The following XXYLT1 variants were observed in gnomAD, a reference collection of about 807,000 sequenced individuals.
The protein encoded by XXYLT1 is xyloside xylosyltransferase 1, also known as UDP-xylose:alpha-xyloside alpha-1,3-xylosyltransferase.
In XXYLT1, 20 loss-of-function variants were observed where a neutral mutation model predicts 28.9. That is an observed-to-expected ratio of 0.69 (90% confidence interval 0.49 to 1.00). The LOEUF is 1.00. Ranked by LOEUF, XXYLT1 falls within the 50% of genes least tolerant of loss-of-function variation. The pLI is 0.00. For synonymous variants in XXYLT1, 257 were observed against 253.8 expected (o/e 1.01, Z -0.12); for missense variants, 542 against 560.1 (o/e 0.97, Z 0.33).
intron 2 of XXYLT1, among the ~76,000 whole-genome samples, chr3:195,175,381 G>A (rs1721611715): frequency 1.3e-5 from 2 of 152,360 alleles, no homozygotes; most frequent in South Asian, 4.1e-4. Flanking sequence ...ATGGAACTGG[G>A]GGAATGCGGA....
intron 1 of XXYLT1, among the ~76,000 whole-genome samples, chr3:195,250,518 C>T (rs1356772153): frequency 6.6e-6 from 1 of 150,958 alleles, no homozygotes; most frequent in Non-Finnish European, 1.5e-5. Context: ...CAGCAGAGAT[C>T]GCGCCACTGC....
chr3:195,226,759 C>G lies in XXYLT1; in HGVS notation c.602G>C (p.Ser201Thr). Residue 201 changes from serine (S) to threonine (T), a missense_variant, in exon 2 of 4, where the codon AGT (serine) becomes ACT (threonine). Physicochemically the swap from Ser to Thr is moderately conservative, Grantham distance 58 (BLOSUM62 1). Coordinates refer to ENST00000310380, the MANE Select transcript of XXYLT1 (RefSeq NM_152531.5). ...GACCGAGAGGAAGAAGATGGAGTCA[C>G]TGTAGTAGGTTCCCAAGCCAGCACT... ...HFSAGLGTYY[S>T]DSIFFLSVAM... The G allele has an allele frequency of 6.2e-7, 1 of 1,613,900 alleles. No individual in the cohort carries two copies. Among genetic ancestry groups the G allele is most frequent in the Non-Finnish European group, 8.5e-7 (1 of 1,179,998 alleles).
At chr3:195,122,986 G>A (rs1312353228) in intron 3 of XXYLT1, among the ~76,000 whole-genome samples, 1 of 152,170 alleles carries the variant, frequency 6.6e-6, no homozygotes, top group African/African-American at 2.4e-5. Context: ...TGGTGACCTT[G>A]ACAAAGTCAC....
intron 3 of XXYLT1, among the ~76,000 whole-genome samples, chr3:195,118,810 A>G (rs2108609833): frequency 6.6e-6 from 1 of 152,320 alleles, no homozygotes; most frequent in East Asian, 1.9e-4. Context: ...CGAGTACACA[A>G]TGTTTCAGAA....
rs1725959176 is a variant in XXYLT1, at chr3:195,269,836, G to A, written c.504+719C>T. Among the ~76,000 whole-genome samples the A allele has an allele frequency of 3.9e-5, 6 of 152,212 alleles. No homozygotes were observed. In the South Asian group the frequency reaches 8.3e-4, roughly 21 times the overall value. ...GTCAGAAACACATCTCAGACAAGGA[G>A]AGCCAGGCAGTGAAGACAGATGATA... On this transcript the variant is annotated intron_variant, in intron 1 of 3. Coordinates refer to ENST00000310380, the MANE Select transcript of XXYLT1 (RefSeq NM_152531.5).
At chr3:195,269,829 A>T (rs1381413439) in intron 1 of XXYLT1, among the ~76,000 whole-genome samples, 1 of 152,198 alleles carries the variant, frequency 6.6e-6, no homozygotes, top group Non-Finnish European at 1.5e-5. Flanking sequence ...CACATCTCAG[A>T]CAAGGAGAGC....
chr3:195,167,171 A>C (rs556637484), intron 2 of XXYLT1, among the ~76,000 whole-genome samples: 1 of 152,048 alleles, frequency 6.6e-6, no homozygotes, highest in Non-Finnish European at 1.5e-5. Context: ...TCAAGCTACT[A>C]TTTTTCTCTT....
chr3:195,140,167 C>G (rs1261438723), intron 3 of XXYLT1, among the ~76,000 whole-genome samples: 1 of 152,202 alleles, frequency 6.6e-6, no homozygotes, highest in African/African-American at 2.4e-5. Flanking sequence ...GACAATAAAG[C>G]ATTTACACTT....
intron 3 of XXYLT1, among the ~76,000 whole-genome samples, chr3:195,130,697 C>T (rs1170616490): frequency 6.6e-6 from 1 of 152,104 alleles, no homozygotes; most frequent in Non-Finnish European, 1.5e-5. Context: ...AGGAGGGGAA[C>T]GGAGGCAACA....
At chr3:195,159,589 CAAGT>C (rs2108687982) in intron 2 of XXYLT1, among the ~76,000 whole-genome samples, 1 of 152,310 alleles carries the variant, frequency 6.6e-6, no homozygotes, top group South Asian at 2.1e-4. Context: ...AGCATGAAGA[CAAGT>C]GAGTACAAGC....
chr3:195,071,285 G>A (rs534567158), intron 3 of XXYLT1, among the ~76,000 whole-genome samples: 3 of 152,280 alleles, frequency 2.0e-5, no homozygotes, highest in East Asian at 3.9e-4. Flanking sequence ...CTGCCCCACC[G>A]GCCCCCGCAG....
chr3:195,130,074 T>C (rs1350475508), intron 3 of XXYLT1, among the ~76,000 whole-genome samples: 1 of 152,270 alleles, frequency 6.6e-6, no homozygotes, highest in Non-Finnish European at 1.5e-5. Flanking sequence ...ACTAACGATG[T>C]TGAGCATCTT....
chr3:195,083,893 G>T (rs1715577971), intron 3 of XXYLT1, among the ~76,000 whole-genome samples: 1 of 152,132 alleles, frequency 6.6e-6, no homozygotes, highest in Non-Finnish European at 1.5e-5. Context: ...AGGCGCGGTG[G>T]CAGGCACCCG....
chr3:195,071,052 T>C (rs939279279), intron 3 of XXYLT1, among the ~76,000 whole-genome samples: 1 of 152,160 alleles, frequency 6.6e-6, no homozygotes, highest in Admixed American at 6.5e-5. Flanking sequence ...TCCTCCAGCC[T>C]CTTTAATAGC....
chr3:195,201,250 T>C (rs1352460238), intron 2 of XXYLT1, among the ~76,000 whole-genome samples: 2 of 152,164 alleles, frequency 1.3e-5, no homozygotes, highest in African/African-American at 2.4e-5. Context: ...TTTAAATCAG[T>C]AGCTAGACAA....
chr3:195,258,288 T>C (rs1164486385), intron 1 of XXYLT1, among the ~76,000 whole-genome samples: 3 of 152,174 alleles, frequency 2.0e-5, no homozygotes, highest in Non-Finnish European at 4.4e-5. Context: ...TGGGAGTATG[T>C]GGGGCTATGT....
chr3:195,166,163 C>G (rs980303601), intron 2 of XXYLT1, among the ~76,000 whole-genome samples: 1 of 151,962 alleles, frequency 6.6e-6, no homozygotes, highest in Non-Finnish European at 1.5e-5. Flanking sequence ...CAAGAAACCC[C>G]CTTAGTCACT....
chr3:195,247,649 G>A, intron 1 of XXYLT1: 2 of 564,092 alleles, frequency 3.5e-6, no homozygotes, highest in Non-Finnish European at 6.4e-6. Flanking sequence ...AGACAGCCCT[G>A]CCAGGCTCGA....
At chr3:195,231,071 GTT>G (rs1459087728) in intron 1 of XXYLT1, among the ~76,000 whole-genome samples, 2 of 151,752 alleles carry the variant, frequency 1.3e-5, no homozygotes, top group East Asian at 3.9e-4. Context: ...GTGTTTTATT[GTT>G]TTCATCCTAG....
Sources: gnomAD v4.1 joint callset for allele counts (sites outside exome capture counted in the v4.1 genomes callset) on GRCh38, gnomAD v4.1.1 for gene constraint, MANE v1.5 for transcripts, NCBI Gene and HGNC (gene_info 2026-07-23, HGNC 2026-07-21) for gene names.